The following R3HDM2 variants were observed in gnomAD, a reference collection of about 807,000 sequenced individuals.
R3HDM2 encodes R3H domain-containing protein 2.
Under a neutral mutation model 124.5 loss-of-function variants are expected in R3HDM2, and 38 were observed. The ratio of observed to expected loss-of-function variants is 0.31; its 90% confidence interval spans 0.24 to 0.40. The LOEUF is 0.40. Among genes scored for constraint, R3HDM2 ranks in the 10% least tolerant of loss-of-function variants. R3HDM2 has a pLI of 1.00. For synonymous variants in R3HDM2, 391 were observed against 448.0 expected, an observed-to-expected ratio of 0.87 and a Z score of 1.61; for missense variants, 869 against 1,236.9, an observed-to-expected ratio of 0.70 and a Z score of 4.46.
intron 2 of R3HDM2, among the ~76,000 whole-genome samples, chr12:57,370,411 G>A (rs1455210400): frequency 1.1e-5 from 1 of 89,194 alleles, no homozygotes; most frequent in East Asian, 3.5e-4. Flanking sequence ...GGGGGGGGGC[G>A]GGGTGGATCA....
chr12:57,344,696 TTGA>T (rs574549812), intron 2 of R3HDM2, among the ~76,000 whole-genome samples: 201 of 152,266 alleles, frequency 1.3e-3, no homozygotes, highest in African/African-American at 4.5e-3. Context: ...AAAAACTCAC[TTGA>T]TGAGTTCAAC....
In R3HDM2 at chr12:57,257,982, C is replaced by A; in HGVS notation, c.2449+8G>T. On this transcript the variant is annotated splice_region_variant and intron_variant, in intron 21 of 23. Coordinates refer to ENST00000402412, the MANE Select transcript of R3HDM2 (RefSeq NM_001394031.1). ...TCCATAGCAGCCAGCACTAATCTAA[C>A]CCCCTACCCTGTGCTGGACCCCCAG... 2 of 1,511,654 alleles carry A rather than the reference C, an allele frequency of 1.3e-6. No individual in the cohort carries two copies. The highest frequency in any genetic ancestry group is 8.9e-7 in the Non-Finnish European group (1 of 1,119,568). The allele number at this position is 1,511,654 out of a possible 1,614,324, so 93.6% of individuals were successfully genotyped here.
intron 3 of R3HDM2, among the ~76,000 whole-genome samples, chr12:57,309,985 G>A (rs1566081896): frequency 6.6e-6 from 1 of 152,196 alleles, no homozygotes; most frequent in African/African-American, 2.4e-5. Context: ...GCAAAGACAG[G>A]AGAATCATTT....
At chr12:57,268,508 C>T in intron 17 of R3HDM2, 51 bp from the exon 18 acceptor site, 7 of 1,580,448 alleles carry the variant, frequency 4.4e-6, no homozygotes, top group Non-Finnish European at 6.1e-6. Flanking sequence ...ACATTGAGCT[C>T]ATGCAGAAAC....
At chr12:57,313,469 C>G (rs552441587) in intron 2 of R3HDM2, among the ~76,000 whole-genome samples, 172 of 151,398 alleles carry the variant, frequency 1.1e-3, no homozygotes, top group African/African-American at 4.1e-3. Flanking sequence ...GAGGCTGAGG[C>G]GGGAGGATCA....
chr12:57,353,699 G>A (rs1406272093), intron 2 of R3HDM2, among the ~76,000 whole-genome samples: 2 of 151,856 alleles, frequency 1.3e-5, no homozygotes, highest in Non-Finnish European at 2.9e-5. Context: ...ATAGGTGTGT[G>A]CCACCATACC....
At chr12:57,267,207 G>C (rs1252779105) in intron 18 of R3HDM2, among the ~76,000 whole-genome samples, 3 of 151,722 alleles carry the variant, frequency 2.0e-5, no homozygotes, top group Non-Finnish European at 2.9e-5. Context: ...GTGCTAGAAA[G>C]AGATGGGTAA....
chr12:57,338,847 C>T lies in R3HDM2; in HGVS notation c.-35-28384G>A, dbSNP rs1008727231. 2.6e-5 allele frequency among the ~76,000 whole-genome samples: 4 copies of T among 151,302 alleles called. 1 individual carries two copies. Among genetic ancestry groups the T allele is most frequent in the Admixed American group, 1.3e-4 (2 of 15,150 alleles). On this transcript the variant is annotated intron_variant, in intron 2 of 23. Coordinates refer to ENST00000402412, the MANE Select transcript of R3HDM2 (RefSeq NM_001394031.1). ...GGAGAGAGAGAGAGAGAGATAGGGT[C>T]TCATTCTGCCACCTGGGCTGGACTC... is the stretch of plus-strand genomic sequence containing the variant.
intron 1 of R3HDM2, among the ~76,000 whole-genome samples, chr12:57,427,540 G>A (rs1052967081): frequency 1.4e-4 from 21 of 150,694 alleles, no homozygotes; most frequent in African/African-American, 4.8e-4. Flanking sequence ...AGTAGAGATG[G>A]GGTTTCACCA....
intron 2 of R3HDM2, among the ~76,000 whole-genome samples, chr12:57,343,617 C>A (rs556734026): frequency 6.6e-6 from 1 of 152,086 alleles, no homozygotes; most frequent in Admixed American, 6.6e-5. Flanking sequence ...GTCAAGGCAT[C>A]CTGATGAAAA....
At chr12:57,349,379 C>CAAAAAAAAAAAAAAAAAAAAAAA (rs1161831845) in intron 2 of R3HDM2, among the ~76,000 whole-genome samples, 4 of 57,746 alleles carry the variant, frequency 6.9e-5, no homozygotes, top group African/African-American at 9.3e-5. Context: ...ACTCCGTCTC[C>CAAAAAAAAAAAAAAAAAAAAAAA]AAAAAAAAAA....
chr12:57,395,905 A>C, intron 1 of R3HDM2, 87 bp from the exon 2 acceptor site: 1 of 491,644 alleles, frequency 2.0e-6, no homozygotes. Context: ...CCACAGCAGC[A>C]CCTGTTAATA....
intron 2 of R3HDM2, among the ~76,000 whole-genome samples, chr12:57,361,030 A>G (rs1341948677): frequency 2.2e-5 from 3 of 135,178 alleles, no homozygotes; most frequent in East Asian, 4.4e-4. Flanking sequence ...AGCCTGGGCA[A>G]CAGAGCAAGA....
chr12:57,280,938 G>GAA (rs941298131), intron 13 of R3HDM2, among the ~76,000 whole-genome samples: 5 of 151,512 alleles, frequency 3.3e-5, no homozygotes, highest in Non-Finnish European at 1.5e-5. Flanking sequence ...GCTAGAGAGA[G>GAA]AGAGATCTGT....
intron 2 of R3HDM2, among the ~76,000 whole-genome samples, chr12:57,389,158 C>G (rs1477184858): frequency 6.6e-6 from 1 of 152,118 alleles, no homozygotes; most frequent in Admixed American, 6.6e-5. Flanking sequence ...TCCCCTGAAA[C>G]GTTAGGAGGG....
intron 13 of R3HDM2, among the ~76,000 whole-genome samples, chr12:57,281,761 C>T (rs2046198931): frequency 6.6e-6 from 1 of 151,902 alleles, no homozygotes; most frequent in Non-Finnish European, 1.5e-5. Context: ...GCTAGAATTA[C>T]AGGTGTGAGC....
intron 1 of R3HDM2, among the ~76,000 whole-genome samples, chr12:57,416,243 G>C (rs892166325): frequency 6.6e-6 from 1 of 152,140 alleles, no homozygotes; most frequent in Non-Finnish European, 1.5e-5. Flanking sequence ...GGAGCAAAGA[G>C]AGGAGAGGGA....
At chr12:57,345,135 A>G (rs923846074) in intron 2 of R3HDM2, among the ~76,000 whole-genome samples, 3 of 151,412 alleles carry the variant, frequency 2.0e-5, no homozygotes, top group Non-Finnish European at 4.4e-5. Flanking sequence ...CAACTGGCCT[A>G]AAAAAATTTC....
At chr12:57,310,196 A>T in intron 3 of R3HDM2, 68 bp downstream of exon 3, 1 of 1,196,402 alleles carries the variant, frequency 8.4e-7, no homozygotes, top group African/African-American at 1.6e-5. Context: ...GGTAACAGAC[A>T]GAGCTGGGTA....
Sources: allele counts gnomAD v4.1 joint callset (sites outside exome capture counted in the v4.1 genomes callset), GRCh38; gene constraint gnomAD v4.1.1; transcripts MANE v1.5; gene names NCBI Gene and HGNC (gene_info 2026-07-23, HGNC 2026-07-21).